The following SLC12A8 variants were observed in gnomAD, a reference collection of about 807,000 sequenced individuals.
The protein encoded by SLC12A8 is solute carrier family 12 member 8, also known as cation-chloride cotransporter 9.
In SLC12A8, 69 loss-of-function variants were observed where a neutral mutation model predicts 75.6. The ratio of observed to expected loss-of-function variants is 0.91; its 90% CI spans 0.75 to 1.11. SLC12A8 has a LOEUF of 1.11. Among genes scored for constraint, SLC12A8 ranks in the 50% most tolerant of loss-of-function variants. The probability of loss-of-function intolerance (pLI) is 0.00; values close to 1 mark genes in which losing one functional copy is unlikely to be tolerated. For synonymous variants in SLC12A8, 365 were observed against 372.8 expected (o/e 0.98, Z 0.24); for missense variants, 877 against 896.7 (o/e 0.98, Z 0.28).
intron 2 of SLC12A8, among the ~76,000 whole-genome samples, chr3:125,205,472 G>A (rs1014503131): frequency 4.6e-5 from 7 of 152,052 alleles, no homozygotes; most frequent in Non-Finnish European, 8.8e-5. Context: ...TTACAAATAT[G>A]CAGCATTTGG....
At chr3:125,086,174 G>A (rs148044820) in intron 13 of SLC12A8, among the ~76,000 whole-genome samples, 55 of 152,224 alleles carry the variant, frequency 3.6e-4, no homozygotes, top group Non-Finnish European at 6.0e-4. Flanking sequence ...GAGCCACTGC[G>A]CCCAGCCTTT....
intron 5 of SLC12A8, among the ~76,000 whole-genome samples, chr3:125,174,835 C>CACAGGGAAT (rs1934485033): frequency 6.6e-6 from 1 of 152,158 alleles, no homozygotes; most frequent in Admixed American, 6.5e-5. Flanking sequence ...AAAGGCAAAG[C>CACAGGGAAT]ACAGGGAATT....
At chr3:125,208,787 C>G (rs150562372) in intron 2 of SLC12A8, among the ~76,000 whole-genome samples, 17,384 of 102,600 alleles carry the variant, frequency 0.17, 1,460 homozygotes, top group African/African-American at 0.27. Flanking sequence ...CACACACACA[C>G]ACACAGAGAG....
intron 12 of SLC12A8, among the ~76,000 whole-genome samples, chr3:125,089,340 C>T (rs1221109928): frequency 5.9e-5 from 9 of 152,118 alleles, no homozygotes; most frequent in Admixed American, 5.9e-4. Flanking sequence ...ATTTTATTAA[C>T]TCACCCTACT....
At chr3:125,128,159 C>G (rs1403004512) in intron 6 of SLC12A8, among the ~76,000 whole-genome samples, 1 of 150,084 alleles carries the variant, frequency 6.7e-6, no homozygotes, top group Non-Finnish European at 1.5e-5. Flanking sequence ...CATGAGCCAC[C>G]GTGCCCGGCC....
intron 2 of SLC12A8, among the ~76,000 whole-genome samples, chr3:125,202,664 A>G (rs1354396439): frequency 7.0e-6 from 1 of 141,880 alleles, no homozygotes; most frequent in Non-Finnish European, 1.5e-5. Flanking sequence ...TCTGTATCTA[A>G]TGATGTTATG....
chr3:125,169,977 AAAG>A (rs1934373773), intron 5 of SLC12A8, among the ~76,000 whole-genome samples: 1 of 108,874 alleles, frequency 9.2e-6, no homozygotes, highest in Non-Finnish European at 2.2e-5. Context: ...GGGAAAATAG[AAAG>A]CAAAAACAGG....
chr3:125,157,204 A>G (rs574044682), intron 5 of SLC12A8, among the ~76,000 whole-genome samples: 1 of 152,344 alleles, frequency 6.6e-6, no homozygotes, highest in African/African-American at 2.4e-5. Flanking sequence ...ATAGTTCTTA[A>G]TAAAAATAAG....
At chr3:125,177,614 C>T in intron 5 of SLC12A8, 129 bp downstream of exon 5, 1 of 657,512 alleles carries the variant, frequency 1.5e-6, no homozygotes, top group Non-Finnish European at 2.6e-6. Context: ...GATCCAGGAA[C>T]AGCTCACACC....
At chr3:125,132,285 T>C (rs1253694526) in intron 6 of SLC12A8, among the ~76,000 whole-genome samples, 1 of 152,204 alleles carries the variant, frequency 6.6e-6, no homozygotes, top group East Asian at 1.9e-4. Context: ...CGACGCACTA[T>C]TTCTGGCAAA....
At chr3:125,092,513 G>GTGGGAGAACT (rs1380679906) in intron 10 of SLC12A8, among the ~76,000 whole-genome samples, 1 of 152,174 alleles carries the variant, frequency 6.6e-6, no homozygotes, top group Non-Finnish European at 1.5e-5. Context: ...AGGTGTTAGA[G>GTGGGAGAACT]TGGGAGAACT....
At chr3:125,104,044 A>G (rs1357588757) in intron 10 of SLC12A8, among the ~76,000 whole-genome samples, 1 of 152,084 alleles carries the variant, frequency 6.6e-6, no homozygotes, top group African/African-American at 2.4e-5. Flanking sequence ...AGCCCAAACC[A>G]AAGAGAAAAT....
chr3:125,101,769 A>G (rs1254468111), intron 10 of SLC12A8, among the ~76,000 whole-genome samples: 2 of 152,212 alleles, frequency 1.3e-5, no homozygotes, highest in Non-Finnish European at 2.9e-5. Context: ...TTATTATTTT[A>G]TAGCATCTGG....
chr3:125,095,815 T>C (rs1397253486), intron 10 of SLC12A8, among the ~76,000 whole-genome samples: 4 of 152,222 alleles, frequency 2.6e-5, no homozygotes, highest in African/African-American at 7.2e-5. Context: ...AACACCCTTC[T>C]TGCACTGTAA....
intron 5 of SLC12A8, among the ~76,000 whole-genome samples, chr3:125,177,257 T>G: frequency 7.3e-6 from 1 of 136,784 alleles, no homozygotes; most frequent in South Asian, 2.3e-4. Flanking sequence ...TTCTCACTCA[T>G]AGGTGGGAAT....
At chr3:125,201,232 C>G (rs1046325754) in intron 2 of SLC12A8, among the ~76,000 whole-genome samples, 3 of 151,882 alleles carry the variant, frequency 2.0e-5, no homozygotes, top group Non-Finnish European at 4.4e-5. Context: ...AGTGAGACCC[C>G]ATCTCTACAA....
chr3:125,163,576 G>A lies in SLC12A8; in HGVS notation c.622+14167C>T, dbSNP rs184294005. On this transcript the variant is annotated intron_variant, in intron 5 of 13. Transcript: ENST00000469902. Reference sequence around the variant, plus strand: ...ATTGCGCCACTGCACTCCAGCCTGGGCAACAGAGCGAGACTCTGTCTCAAA... The same window carrying A: ...ATTGCGCCACTGCACTCCAGCCTGGACAACAGAGCGAGACTCTGTCTCAAA... 6.8e-5 allele frequency among the ~76,000 whole-genome samples: 10 copies of A among 147,142 alleles called. No homozygotes were observed. In the East Asian group the frequency reaches 2.0e-3, roughly 30 times the overall value.
chr3:125,176,447 A>G (rs1346393374), intron 5 of SLC12A8, among the ~76,000 whole-genome samples: 1 of 152,220 alleles, frequency 6.6e-6, no homozygotes, highest in African/African-American at 2.4e-5. Flanking sequence ...ACCAAAAGCA[A>G]TGGCAACAAA....
chr3:125,146,003 T>C (rs963806981), intron 5 of SLC12A8, among the ~76,000 whole-genome samples: 2 of 152,182 alleles, frequency 1.3e-5, no homozygotes, highest in Admixed American at 1.3e-4. Context: ...TAATTTTTTA[T>C]ATTTTTTGTA....
Sources: allele counts gnomAD v4.1 joint callset (sites outside exome capture counted in the v4.1 genomes callset), GRCh38; gene constraint gnomAD v4.1.1; transcripts MANE v1.5; gene names NCBI Gene and HGNC (gene_info 2026-07-23, HGNC 2026-07-21).